The following KYNU variants were observed in gnomAD, a reference collection of about 807,000 sequenced individuals.
The protein encoded by KYNU is kynureninase, also known as L-kynurenine hydrolase.
A neutral mutation model predicts 59.2 loss-of-function variants in KYNU; 54 were observed. The observed-to-expected ratio is 0.91, with a 90% confidence interval of 0.73 to 1.14. The LOEUF is 1.14. Ranked by LOEUF, KYNU falls within the 50% of genes most tolerant of loss-of-function variation. The pLI, the probability that KYNU is intolerant of heterozygous loss-of-function variation, is 0.00. For missense variants in KYNU, 567 were observed against 554.4 expected (o/e 1.02, Z -0.23); for synonymous variants, 177 against 192.0 (o/e 0.92, Z 0.65).
intron 10 of KYNU, among the ~76,000 whole-genome samples, chr2:142,990,731 G>C (rs6743096): frequency 0.029 from 4,334 of 151,868 alleles, 196 homozygotes; most frequent in African/African-American, 0.097. Context: ...GAGCTTTTTT[G>C]AATGGGCAAG....
chr2:142,903,719 G>A (rs1179197916), intron 2 of KYNU, among the ~76,000 whole-genome samples: 1 of 152,204 alleles, frequency 6.6e-6, no homozygotes, highest in East Asian at 1.9e-4. Context: ...GGATCATCTG[G>A]TTAGTGGCTT....
At chr2:143,022,617 A>G (rs16855235) in intron 10 of KYNU, among the ~76,000 whole-genome samples, 4,021 of 152,140 alleles carry the variant, frequency 0.026, 170 homozygotes, top group African/African-American at 0.092. Context: ...AAGTATTGAT[A>G]GAATTTCCCC....
At chr2:142,960,571 A>C in intron 7 of KYNU, 53 bp from the exon 8 acceptor site, 1 of 1,543,648 alleles carries the variant, frequency 6.5e-7, no homozygotes, top group Non-Finnish European at 8.9e-7. Flanking sequence ...GCAATATGAA[A>C]TTACAAATTT....
At chr2:142,937,764 C>A (rs1474479765) in intron 4 of KYNU, among the ~76,000 whole-genome samples, 2 of 152,174 alleles carry the variant, frequency 1.3e-5, no homozygotes, top group African/African-American at 4.8e-5. Context: ...GTGATTAGCA[C>A]AAGAGTAGGT....
At chr2:143,021,997 T>C (rs925368585) in intron 10 of KYNU, among the ~76,000 whole-genome samples, 6 of 152,172 alleles carry the variant, frequency 3.9e-5, no homozygotes, top group Non-Finnish European at 8.8e-5. Context: ...CTTATATTAA[T>C]TTTCCACCAG....
At chr2:142,881,916 CTTTTTTT>C (rs869099302) in intron 1 of KYNU, among the ~76,000 whole-genome samples, 45 of 113,164 alleles carry the variant, frequency 4.0e-4, no homozygotes, top group African/African-American at 1.4e-3. Flanking sequence ...TTTCTTTTTT[CTTTTTTT>C]TTTTTTTTTT....
intron 2 of KYNU, among the ~76,000 whole-genome samples, chr2:142,891,134 T>C (rs1040936037): frequency 1.3e-4 from 20 of 152,218 alleles, no homozygotes; most frequent in Non-Finnish European, 2.4e-4. Flanking sequence ...CTGCTTTTAC[T>C]TTTTTAAAAT....
chr2:142,960,865 G>A, intron 8 of KYNU, 95 bp downstream of exon 8: 1 of 1,285,594 alleles, frequency 7.8e-7, no homozygotes, highest in Non-Finnish European at 1.1e-6. Context: ...TTTAGCTTGT[G>A]TCTGAGTAAA....
At chr2:142,966,647 T>C (rs151328797) in intron 8 of KYNU, among the ~76,000 whole-genome samples, 2 of 152,206 alleles carry the variant, frequency 1.3e-5, no homozygotes, top group Non-Finnish European at 2.9e-5. Flanking sequence ...GACTTGACTC[T>C]AGGTCTCTAC....
At chr2:142,973,550 C>T (rs1684799037) in intron 8 of KYNU, among the ~76,000 whole-genome samples, 1 of 152,146 alleles carries the variant, frequency 6.6e-6, no homozygotes, top group Non-Finnish European at 1.5e-5. Context: ...CATCCTCATA[C>T]CTTCAGTGAC....
rs777977370 is a variant in KYNU at position 142,985,983 on chromosome 2, C to T, written c.864C>T (p.Ala288=). ...CAGGAGCAGGAGGAATTGCTGGTGC[C>T]TTCATTCATGAAAAGCATGCCCATA... ...LNAGAGGIAG[A]FIHEKHAHTI... The change falls in exon 10 of 14, where the codon GCC becomes GCT. Residue 288 remains alanine (A), a synonymous_variant. Coordinates refer to ENST00000264170, the MANE Select transcript of KYNU (RefSeq NM_003937.3). 4 of 1,610,644 alleles carry T rather than the reference C, an allele frequency of 2.5e-6. No homozygotes were observed. The African/African-American group carries it at 5.4e-5, about 22-fold the overall frequency.
chr2:142,937,251 T>A (rs1202845796), intron 4 of KYNU, among the ~76,000 whole-genome samples: 3 of 151,576 alleles, frequency 2.0e-5, no homozygotes, highest in Non-Finnish European at 4.4e-5. Flanking sequence ...AAGGGAGGAG[T>A]TACTCATCTT....
chr2:142,887,903 G>A (rs1171950661), intron 2 of KYNU, among the ~76,000 whole-genome samples: 1 of 152,168 alleles, frequency 6.6e-6, no homozygotes, highest in Non-Finnish European at 1.5e-5. Context: ...AATTTTAGGT[G>A]CATTTTAGCA....
chr2:142,911,201 A>T (rs186919125), intron 2 of KYNU, among the ~76,000 whole-genome samples: 219 of 152,170 alleles, frequency 1.4e-3, no homozygotes, highest in African/African-American at 5.1e-3. Flanking sequence ...ATGAGTATGG[A>T]ATGTTTTTCT....
At chr2:142,939,277 G>T (rs1284479785) in intron 4 of KYNU, among the ~76,000 whole-genome samples, 1 of 152,144 alleles carries the variant, frequency 6.6e-6, no homozygotes. Context: ...GTGCGACTAT[G>T]TTGTAGATCA....
chr2:142,927,846 A>AT (rs1683093773), intron 4 of KYNU, 105 bp downstream of exon 4: 1 of 811,664 alleles, frequency 1.2e-6, no homozygotes, highest in African/African-American at 1.7e-5. Context: ...GAACATAGTG[A>AT]TTTTCTATTT....
chr2:142,885,543 A>G lies in KYNU; in HGVS notation c.169+7A>G. Reference sequence around the variant, plus strand: ...ATACAGGATCTGCCTCCAGGTAAGAATGCTGGGAAGGTTTTTAAATTTTAT... The same window carrying G: ...ATACAGGATCTGCCTCCAGGTAAGAGTGCTGGGAAGGTTTTTAAATTTTAT... On this transcript the variant is annotated splice_region_variant and intron_variant, in intron 2 of 13. Coordinates refer to ENST00000264170, the MANE Select transcript of KYNU (RefSeq NM_003937.3). 6.2e-7 allele frequency: 1 copy of G among 1,610,948 alleles called. No individual in the cohort carries two copies. Among genetic ancestry groups the G allele is most frequent in the Non-Finnish European group, 8.5e-7 (1 of 1,178,346 alleles).
chr2:142,932,993 G>T (rs533460744), intron 4 of KYNU, among the ~76,000 whole-genome samples: 4 of 151,992 alleles, frequency 2.6e-5, no homozygotes, highest in South Asian at 2.1e-4. Context: ...TGATTTGGGG[G>T]GTTTCTATGA....
chr2:143,028,029 T>A (rs1360853499), intron 10 of KYNU, among the ~76,000 whole-genome samples: 1 of 151,970 alleles, frequency 6.6e-6, no homozygotes, highest in African/African-American at 2.4e-5. Flanking sequence ...CATTTTGTCA[T>A]CTCCCAAAAA....
Sources: allele counts gnomAD v4.1 joint callset (sites outside exome capture counted in the v4.1 genomes callset), GRCh38; gene constraint gnomAD v4.1.1; transcripts MANE v1.5; gene names NCBI Gene and HGNC (gene_info 2026-07-23, HGNC 2026-07-21).